RSRC1: variants seen among roughly 807,000 people sequenced by gnomAD.
RSRC1 encodes arginine and serine rich coiled-coil 1, also known as serine/Arginine-related protein 53.
In RSRC1, 39 loss-of-function variants were observed where a neutral mutation model predicts 49.1. That is an observed-to-expected ratio of 0.79 (90% CI 0.61 to 1.04). The LOEUF is 1.04. Among genes scored for constraint, RSRC1 ranks in the 50% least tolerant of loss-of-function variants. RSRC1 has a pLI of 0.00. For missense variants in RSRC1, 388 were observed against 402.4 expected (o/e 0.96, Z 0.31); for synonymous variants, 143 against 130.8 (o/e 1.09, Z -0.63).
chr3:158,429,175 G>A (rs1457080122), intron 6 of RSRC1, among the ~76,000 whole-genome samples: 2 of 151,724 alleles, frequency 1.3e-5, no homozygotes, highest in African/African-American at 4.8e-5. Flanking sequence ...CCAATTTCTG[G>A]TGTTTAATCC....
intron 5 of RSRC1, among the ~76,000 whole-genome samples, chr3:158,350,725 A>T (rs1730826095): frequency 6.6e-6 from 1 of 152,082 alleles, no homozygotes; most frequent in Non-Finnish European, 1.5e-5. Context: ...TTTTTTGAGA[A>T]ATTGCTATAT....
intron 6 of RSRC1, among the ~76,000 whole-genome samples, chr3:158,358,137 G>A (rs1731260682): frequency 1.3e-5 from 2 of 152,268 alleles, no homozygotes; most frequent in African/African-American, 2.4e-5. Context: ...CCTATAGGGT[G>A]TTATGATTAT....
At chr3:158,251,030 A>G (rs1724184042) in intron 4 of RSRC1, among the ~76,000 whole-genome samples, 1 of 152,042 alleles carries the variant, frequency 6.6e-6, no homozygotes, top group South Asian at 2.1e-4. Flanking sequence ...GAGAAATAGG[A>G]GCCTAGTTTC....
intron 5 of RSRC1, among the ~76,000 whole-genome samples, chr3:158,336,176 G>A (rs1729874607): frequency 6.6e-6 from 1 of 152,248 alleles, no homozygotes; most frequent in South Asian, 2.1e-4. Context: ...CTCTGGGTAA[G>A]GGCACTGCAA....
At chr3:158,543,768 G>A (rs1713174890) in intron 9 of RSRC1, 4 of 308,836 alleles carry the variant, frequency 1.3e-5, no homozygotes, top group Admixed American at 9.9e-5. Context: ...TTTTTTAGCT[G>A]AATTGATCAG....
chr3:158,140,592 G>A (rs1433539730), intron 3 of RSRC1, among the ~76,000 whole-genome samples: 1 of 152,162 alleles, frequency 6.6e-6, no homozygotes, highest in Non-Finnish European at 1.5e-5. Context: ...CAGATCTAAT[G>A]TAAATTTACT....
intron 6 of RSRC1, among the ~76,000 whole-genome samples, chr3:158,390,000 G>A (rs895294238): frequency 1.3e-5 from 2 of 152,206 alleles, no homozygotes; most frequent in Non-Finnish European, 2.9e-5. Flanking sequence ...GATCTCATTT[G>A]ACAAATATCC....
intron 4 of RSRC1, among the ~76,000 whole-genome samples, chr3:158,263,046 G>A (rs1447765747): frequency 6.6e-6 from 1 of 152,010 alleles, no homozygotes; most frequent in East Asian, 1.9e-4. Context: ...TGATTGCTCA[G>A]GCTAAGATCT....
intron 7 of RSRC1, among the ~76,000 whole-genome samples, chr3:158,470,954 C>T (rs1488584296): frequency 2.0e-5 from 3 of 152,152 alleles, no homozygotes; most frequent in South Asian, 2.1e-4. Flanking sequence ...AAGAAACTCA[C>T]GCAACAAGAA....
chr3:158,299,382 A>G (rs1305577526), intron 5 of RSRC1, among the ~76,000 whole-genome samples: 1 of 151,726 alleles, frequency 6.6e-6, no homozygotes, highest in Non-Finnish European at 1.5e-5. Context: ...CTCCCAGATT[A>G]GTGTGCAGTG....
At chr3:158,440,965 A>G (rs1454637461) in intron 6 of RSRC1, among the ~76,000 whole-genome samples, 1 of 152,048 alleles carries the variant, frequency 6.6e-6, no homozygotes, top group Non-Finnish European at 1.5e-5. Flanking sequence ...ATGAAAGAAA[A>G]TAAATATTAG....
chr3:158,332,258 G>A (rs1411317355), intron 5 of RSRC1, among the ~76,000 whole-genome samples: 1 of 152,088 alleles, frequency 6.6e-6, no homozygotes, highest in Non-Finnish European at 1.5e-5. Context: ...CTTTCCTGAA[G>A]TAGAGATCAT....
chr3:158,297,002 G>A (rs1314349610), intron 4 of RSRC1, among the ~76,000 whole-genome samples: 1 of 151,950 alleles, frequency 6.6e-6, no homozygotes, highest in East Asian at 1.9e-4. Flanking sequence ...AAAAATAGAA[G>A]ACAGAAATAG....
rs544221801 is a variant in RSRC1 at position 158,190,796 on chromosome 3, G to A, written c.321-12276G>A. Reference sequence around the variant, plus strand: ...GGATGTTGGATTCTCTTTTTATGTCGTTCTTGATAATTTTCTTGGATCAGC... The same window carrying A: ...GGATGTTGGATTCTCTTTTTATGTCATTCTTGATAATTTTCTTGGATCAGC... On this transcript the variant is annotated intron_variant, in intron 3 of 9. Transcript: ENST00000611884. Among the ~76,000 whole-genome samples, 16 of 151,814 alleles carry A rather than the reference G, an allele frequency of 1.1e-4. 1 individual carries two copies. In the South Asian group the frequency reaches 3.3e-3, roughly 31 times the overall value.
At chr3:158,542,017 T>C (rs1407706528) in intron 8 of RSRC1, among the ~76,000 whole-genome samples, 1 of 152,180 alleles carries the variant, frequency 6.6e-6, no homozygotes, top group Non-Finnish European at 1.5e-5. Flanking sequence ...CATGATGGTA[T>C]AAGAAATCCT....
intron 3 of RSRC1, among the ~76,000 whole-genome samples, chr3:158,185,984 G>A (rs1251314941): frequency 6.6e-6 from 1 of 151,782 alleles, no homozygotes; most frequent in African/African-American, 2.4e-5. Flanking sequence ...TTTAGTTATG[G>A]TATGTGTATC....
chr3:158,229,160 A>G lies in RSRC1; in HGVS notation c.494+25915A>G, dbSNP rs371196913. ...TATATAAACATACATACGTGTATAT[A>G]TGTATATAAACATATGTGTATGTGT... On this transcript the variant is annotated intron_variant, in intron 4 of 9. Transcript: ENST00000611884. Among the ~76,000 whole-genome samples the G allele has an allele frequency of 1.5e-3, 213 of 143,140 alleles. 22 individuals are homozygous for G. The highest frequency in any genetic ancestry group is 4.8e-3 in the African/African-American group (187 of 38,718). The allele number at this position is 143,140 out of a possible 152,430, so 93.9% of individuals were successfully genotyped here. A position where few individuals can be genotyped will look rare whatever the true frequency, so the allele number is the denominator to read the frequency against.
At chr3:158,156,425 A>G (rs867329079) in intron 3 of RSRC1, among the ~76,000 whole-genome samples, 2 of 152,074 alleles carry the variant, frequency 1.3e-5, no homozygotes, top group South Asian at 2.1e-4. Flanking sequence ...CTTATCATTT[A>G]TGTGTTCACT....
At chr3:158,394,628 C>T (rs901816933) in intron 6 of RSRC1, among the ~76,000 whole-genome samples, 9 of 151,912 alleles carry the variant, frequency 5.9e-5, no homozygotes, top group African/African-American at 2.2e-4. Context: ...ATGCAGCTAA[C>T]CAGGGAAGTG....
Sources: allele counts gnomAD v4.1 joint callset (sites outside exome capture counted in the v4.1 genomes callset), GRCh38; gene constraint gnomAD v4.1.1; transcripts MANE v1.5; gene names NCBI Gene and HGNC (gene_info 2026-07-23, HGNC 2026-07-21).